Variants in EIF4G3 observed in about 807,000 individuals in gnomAD.
The protein encoded by EIF4G3 is eukaryotic translation initiation factor 4 gamma 3.
In EIF4G3, 34 loss-of-function variants were observed where a neutral mutation model predicts 186.4. The observed-to-expected ratio is 0.18, with a 90% CI of 0.14 to 0.24. EIF4G3 has a LOEUF of 0.24. EIF4G3 is among the 10% of genes least tolerant of loss of function. The probability of loss-of-function intolerance (pLI) is 1.00; values close to 1 mark genes in which losing one functional copy is unlikely to be tolerated. For synonymous variants in EIF4G3, 673 were observed against 679.5 expected (o/e 0.99, Z 0.15); for missense variants, 1,536 against 1,948.5 (o/e 0.79, Z 3.99).
At chr1:20,970,088 C>T (rs193256261) in intron 11 of EIF4G3, among the ~76,000 whole-genome samples, 42 of 152,090 alleles carry the variant, frequency 2.8e-4, no homozygotes, top group African/African-American at 1.9e-4. Context: ...CTCAGCCTCC[C>T]GTGCCAGGAT....
In EIF4G3 at chr1:21,129,306, ACT is replaced by A. The variant is rs370394689; in HGVS notation, c.-271-40095_-271-40094del. On this transcript the variant is annotated intron_variant, in intron 2 of 36. Transcript: ENST00000602326. ...CTCCAGCCTGGGCAACAAGAGCGAA[ACT>A]CTATCTCAAAAAAAAAAAAACTGCT... Among the ~76,000 whole-genome samples the A allele has an allele frequency of 6.8e-3, 967 of 142,698 alleles. 7 individuals are homozygous for A. The highest frequency in any genetic ancestry group is 0.023 in the African/African-American group (913 of 39,502). 93.6% of individuals were successfully genotyped at this position (142,698 alleles called of 152,430 possible).
At chr1:20,997,917 T>TAA (rs71714195) in intron 6 of EIF4G3, among the ~76,000 whole-genome samples, 5 of 138,098 alleles carry the variant, frequency 3.6e-5, no homozygotes, top group African/African-American at 1.1e-4. Flanking sequence ...TAGGATTATT[T>TAA]AAAAAAAAAA....
At chr1:21,167,717 C>T (rs910619480) in intron 2 of EIF4G3, among the ~76,000 whole-genome samples, 1 of 152,054 alleles carries the variant, frequency 6.6e-6, no homozygotes, top group Non-Finnish European at 1.5e-5. Flanking sequence ...AAGATCACAA[C>T]ACTGCAATCC....
intron 2 of EIF4G3, among the ~76,000 whole-genome samples, chr1:21,150,407 C>T (rs2097531152): frequency 6.6e-6 from 1 of 152,124 alleles, no homozygotes; most frequent in South Asian, 2.1e-4. Context: ...TTCATGGCGT[C>T]ATGAAAAATT....
At chr1:21,065,568 G>T (rs1571985616) in intron 3 of EIF4G3, among the ~76,000 whole-genome samples, 1 of 151,662 alleles carries the variant, frequency 6.6e-6, no homozygotes, top group Admixed American at 6.6e-5. Flanking sequence ...AACAGTGGTG[G>T]GGCGGCGGGG....
intron 30 of EIF4G3, among the ~76,000 whole-genome samples, chr1:20,839,857 T>G (rs1383678737): frequency 8.0e-6 from 1 of 125,626 alleles, no homozygotes; most frequent in African/African-American, 3.1e-5. Context: ...CGGAAAAATA[T>G]ACAGTGGCAT....
chr1:21,138,625 C>A (rs1162019991), intron 2 of EIF4G3, among the ~76,000 whole-genome samples: 1 of 152,056 alleles, frequency 6.6e-6, no homozygotes, highest in Non-Finnish European at 1.5e-5. Context: ...CAAGGCCAGC[C>A]TGGTCAACAT....
chr1:20,839,652 G>A (rs1431747851), intron 30 of EIF4G3, among the ~76,000 whole-genome samples: 1 of 151,900 alleles, frequency 6.6e-6, no homozygotes, highest in Non-Finnish European at 1.5e-5. Flanking sequence ...ACGCCACCAC[G>A]TTGGGCTAAT....
chr1:20,924,461 TGAG>T (rs1207552252), intron 14 of EIF4G3, among the ~76,000 whole-genome samples: 1 of 152,220 alleles, frequency 6.6e-6, no homozygotes, highest in Non-Finnish European at 1.5e-5. Flanking sequence ...CTGCAAATCT[TGAG>T]GAATATTAGA....
In EIF4G3 at chr1:20,895,467, C is replaced by T. The variant is rs774123693; in HGVS notation, c.2034G>A (p.Lys678=). ...CCAGCAGAAACTCCCTGTCATACTG[C>T]TTCTTACCTTCAGTATCAGTAGGCT... ...SWKPTDTEGK[K]QYDREFLLDF... is the part of the protein sequence containing the mutation. Residue 678 remains lysine (K), a synonymous_variant, in exon 17 of 37, where the codon AAG becomes AAA. Transcript: ENST00000602326. The T allele has an allele frequency of 2.8e-5, 45 of 1,613,892 alleles. No homozygotes were observed. Among genetic ancestry groups the T allele is most frequent in the Non-Finnish European group, 3.4e-5 (40 of 1,179,946 alleles).
chr1:20,893,368 A>T, intron 18 of EIF4G3, 149 bp downstream of exon 18: 1 of 770,470 alleles, frequency 1.3e-6, no homozygotes, highest in Non-Finnish European at 1.9e-6. Context: ...TATCTGCTTT[A>T]ATATGAGTAT....
At chr1:20,881,311 C>T (rs2082250081) in intron 19 of EIF4G3, among the ~76,000 whole-genome samples, 1 of 152,198 alleles carries the variant, frequency 6.6e-6, no homozygotes, top group Non-Finnish European at 1.5e-5. Context: ...TATTATCTTG[C>T]ACCTTGTACA....
intron 2 of EIF4G3, among the ~76,000 whole-genome samples, chr1:21,159,635 G>A (rs1366463725): frequency 6.6e-6 from 1 of 152,072 alleles, no homozygotes; most frequent in African/African-American, 2.4e-5. Flanking sequence ...AACTGCTTGG[G>A]AGGCTAAGGC....
chr1:20,913,800 A>AC (rs2093544383), intron 14 of EIF4G3, among the ~76,000 whole-genome samples: 1 of 75,656 alleles, frequency 1.3e-5, no homozygotes, highest in African/African-American at 5.2e-5. Flanking sequence ...AATTATTAGA[A>AC]TTTTTTTTTT....
At chr1:20,920,681 C>T (rs1245077867) in intron 14 of EIF4G3, among the ~76,000 whole-genome samples, 2 of 152,110 alleles carry the variant, frequency 1.3e-5, no homozygotes, top group Non-Finnish European at 2.9e-5. Flanking sequence ...TCAGAAGCTA[C>T]CTGATTCTCA....
intron 26 of EIF4G3, 29 bp from the exon 27 acceptor site, chr1:20,853,706 T>C (rs778157329): frequency 5.3e-6 from 8 of 1,514,536 alleles, no homozygotes; most frequent in Non-Finnish European, 6.4e-6. Flanking sequence ...TAGAAAAAAA[T>C]ACAAATCACA....
chr1:21,020,508 A>AAATG (rs937751541), intron 4 of EIF4G3, among the ~76,000 whole-genome samples: 2 of 151,428 alleles, frequency 1.3e-5, no homozygotes, highest in Admixed American at 6.6e-5. Context: ...ATAAATAAAT[A>AAATG]AATGAATAAA....
At chr1:20,910,052 G>A (rs371661238) in intron 14 of EIF4G3, among the ~76,000 whole-genome samples, 1 of 151,962 alleles carries the variant, frequency 6.6e-6, no homozygotes, top group African/African-American at 2.4e-5. Flanking sequence ...CAAAGTGCTG[G>A]GATTACAGGA....
At chr1:21,062,235 T>C (rs950175021) in intron 3 of EIF4G3, among the ~76,000 whole-genome samples, 2 of 151,616 alleles carry the variant, frequency 1.3e-5, no homozygotes, top group African/African-American at 4.9e-5. Context: ...ATTTGTTTTA[T>C]TTTTTGGTGA....
Sources: allele counts gnomAD v4.1 joint callset (sites outside exome capture counted in the v4.1 genomes callset), GRCh38; gene constraint gnomAD v4.1.1; transcripts MANE v1.5; gene names NCBI Gene and HGNC (gene_info 2026-07-23, HGNC 2026-07-21).